TDRD1: variants seen among roughly 807,000 people sequenced by gnomAD.
TDRD1 encodes the protein tudor domain containing 1, also known as tudor domain-containing protein 1.
TDRD1 carries 37 observed loss-of-function variants against 140.6 expected under a neutral mutation model. The observed-to-expected ratio is 0.26, with a 90% CI of 0.20 to 0.35. The LOEUF (loss-of-function observed/expected upper bound fraction) is 0.35, where lower values mean the gene tolerates loss of function less well. Among genes scored for constraint, TDRD1 ranks in the 10% least tolerant of loss-of-function variants. The pLI, the probability that TDRD1 is intolerant of heterozygous loss-of-function variation, is 1.00. For missense variants in TDRD1, 1,243 were observed against 1,393.0 expected (o/e 0.89, Z 1.71); for synonymous variants, 506 against 475.7 (o/e 1.06, Z -0.83).
exon 4 of TDRD1, chr10:114,199,258 T>C (rs1051610175): frequency 6.2e-6 from 10 of 1,613,942 alleles, no homozygotes; most frequent in Non-Finnish European, 8.5e-6. Flanking sequence ...AATCCAGGGC[T>C]CTTCACCTCC....
chr10:114,191,042 T>A, intron 3 of TDRD1, 23 bp downstream of exon 3: 1 of 1,608,354 alleles, frequency 6.2e-7, no homozygotes, highest in Non-Finnish European at 8.5e-7. Context: ...ATTGTGTGTG[T>A]GCTTGTTTGG....
At chr10:114,214,444 G>A (rs947721460) in intron 16 of TDRD1, among the ~76,000 whole-genome samples, 5 of 152,112 alleles carry the variant, frequency 3.3e-5, no homozygotes, top group East Asian at 1.9e-4. Context: ...AGAGGATGAC[G>A]AGGCCAAGAA....
chr10:114,183,905 G>A (rs532320082), intron 1 of TDRD1, among the ~76,000 whole-genome samples: 70 of 151,880 alleles, frequency 4.6e-4, no homozygotes, highest in Non-Finnish European at 7.9e-4. Flanking sequence ...CACTGTGTCC[G>A]TGCCTTTTTT....
intron 1 of TDRD1, among the ~76,000 whole-genome samples, chr10:114,181,312 A>G (rs2033043476): frequency 6.6e-6 from 1 of 152,208 alleles, no homozygotes. Context: ...AGTAGCATGA[A>G]AAAATAGTAG....
intron 25 of TDRD1, chr10:114,228,737 C>T: frequency 1.0e-6 from 1 of 985,366 alleles, no homozygotes. Context: ...GTCTGGGATC[C>T]TTTGTTGTAA....
chr10:114,211,271 C>T (rs535971810), intron 13 of TDRD1, among the ~76,000 whole-genome samples: 1 of 152,198 alleles, frequency 6.6e-6, no homozygotes, highest in Non-Finnish European at 1.5e-5. Flanking sequence ...TTGGTTTAAG[C>T]TAATAGGGGG....
chr10:114,230,444 A>T (rs1349399350), intron 25 of TDRD1, among the ~76,000 whole-genome samples: 1 of 152,214 alleles, frequency 6.6e-6, no homozygotes, highest in Non-Finnish European at 1.5e-5. Context: ...TCACATACTT[A>T]ATCTTCACAA....
chr10:114,178,724 A>G (rs1209090102), upstream of TDRD1, among the ~76,000 whole-genome samples: 1 of 152,182 alleles, frequency 6.6e-6, no homozygotes, highest in South Asian at 2.1e-4. Flanking sequence ...TCACATTTAC[A>G]ATTCTCGGAT....
At chr10:114,229,549 T>TC (rs1198082975) in intron 25 of TDRD1, among the ~76,000 whole-genome samples, 1 of 140,866 alleles carries the variant, frequency 7.1e-6, no homozygotes, top group East Asian at 2.0e-4. Flanking sequence ...CTTTTAATCT[T>TC]TTTTTTTTTT....
chr10:114,206,813 C>T (rs1299837623), intron 11 of TDRD1, among the ~76,000 whole-genome samples: 1 of 152,068 alleles, frequency 6.6e-6, no homozygotes, highest in African/African-American at 2.4e-5. Flanking sequence ...CAGGGTTTCA[C>T]CATGTTGGCC....
At chr10:114,175,263 C>G (rs537831738), upstream of TDRD1, among the ~76,000 whole-genome samples, 1 of 152,240 alleles carries the variant, frequency 6.6e-6, no homozygotes, top group Non-Finnish European at 1.5e-5. Flanking sequence ...AAACCTTAAG[C>G]TGTTTTCGGT....
chr10:114,198,497 G>A (rs1298011458), intron 3 of TDRD1, among the ~76,000 whole-genome samples: 2 of 152,164 alleles, frequency 1.3e-5, no homozygotes, highest in East Asian at 1.9e-4. Context: ...TTGTGAGGGT[G>A]GAAATCTTGG....
intron 3 of TDRD1, among the ~76,000 whole-genome samples, chr10:114,195,418 G>C (rs908713352): frequency 5.3e-5 from 8 of 152,160 alleles, no homozygotes; most frequent in African/African-American, 1.9e-4. Context: ...CAATTGTTGA[G>C]AAGGTATTAA....
At chr10:114,231,365 G>T in intron 25 of TDRD1, 2 of 809,118 alleles carry the variant, frequency 2.5e-6, no homozygotes, top group Non-Finnish European at 4.1e-6. Context: ...GACAGGTCTG[G>T]CTTAAATGCG....
chr10:114,215,958 GTAAT>G (rs2035790582), intron 16 of TDRD1, among the ~76,000 whole-genome samples: 1 of 152,136 alleles, frequency 6.6e-6, no homozygotes, highest in Non-Finnish European at 1.5e-5. Flanking sequence ...AAAATGGTAA[GTAAT>G]TTTTGCATTT....
At chr10:114,178,426 C>A (rs2032772180), upstream of TDRD1, among the ~76,000 whole-genome samples, 1 of 152,118 alleles carries the variant, frequency 6.6e-6, no homozygotes, top group African/African-American at 2.4e-5. Flanking sequence ...AAAATATTTT[C>A]AAAGTTTGGG....
chr10:114,227,153 T>A (rs772054902), exon 23 of TDRD1: 1 of 1,607,648 alleles, frequency 6.2e-7, no homozygotes, highest in East Asian at 2.2e-5. Context: ...AATGTAATGC[T>A]TTCTGTGAAA....
At chr10:114,207,960 G>A (rs952714050) in intron 11 of TDRD1, among the ~76,000 whole-genome samples, 5 of 152,160 alleles carry the variant, frequency 3.3e-5, no homozygotes, top group South Asian at 2.1e-4. Context: ...AGGGTGCAAC[G>A]GAAGCAGGTG....
chr10:114,186,207 T>C (rs1417129561), intron 1 of TDRD1, among the ~76,000 whole-genome samples: 2 of 152,324 alleles, frequency 1.3e-5, no homozygotes, highest in African/African-American at 4.8e-5. Context: ...TCTTTGTATT[T>C]CTTATACAGA....
Sources: allele counts gnomAD v4.1 joint callset (sites outside exome capture counted in the v4.1 genomes callset), GRCh38; gene constraint gnomAD v4.1.1; transcripts MANE v1.5; gene names NCBI Gene and HGNC (gene_info 2026-07-23, HGNC 2026-07-21).